The following KCTD14 variants were observed in gnomAD, a reference collection of about 807,000 sequenced individuals.
KCTD14 encodes BTB/POZ domain-containing protein KCTD14.
Under a neutral mutation model 5.9 loss-of-function variants are expected in KCTD14, and 7 were observed. That is an observed-to-expected ratio of 1.19 (90% CI 0.68 to 2.23). The LOEUF (loss-of-function observed/expected upper bound fraction) is 2.23. KCTD14 is among the 30% of genes most tolerant of loss of function. The pLI, the probability that KCTD14 is intolerant of heterozygous loss-of-function variation, is 0.00. For missense variants in KCTD14, 342 were observed against 332.2 expected, an observed-to-expected ratio of 1.03 and a Z score of -0.23; for synonymous variants, 140 against 133.1, an observed-to-expected ratio of 1.05 and a Z score of -0.36.
At chr11:78,041,886 A>G (rs959398751) in intron 1 of KCTD14, among the ~76,000 whole-genome samples, 1 of 152,190 alleles carries the variant, frequency 6.6e-6, no homozygotes, top group African/African-American at 2.4e-5. Flanking sequence ...ACTGGGTTCC[A>G]CGGTTCTCTT....
At chr11:78,031,578 GGGTTTCACCATGTTGGCCA>G (rs1452194952) in intron 2 of KCTD14, among the ~76,000 whole-genome samples, 3 of 151,690 alleles carry the variant, frequency 2.0e-5, no homozygotes, top group Non-Finnish European at 2.9e-5. Context: ...AGTAGAGATG[GGGTTTCACCATGTTGGCCA>G]GGTTGGTCTC....
chr11:78,017,422 AT>A, intron 1 of KCTD14, 152 bp from the exon 2 acceptor site: 2 of 984,442 alleles, frequency 2.0e-6, no homozygotes, highest in Non-Finnish European at 2.8e-6. Context: ...AGAGGGTTAT[AT>A]TTATGCTGTG....
At chr11:78,041,899 GTGACCCAC>G (rs1221143092) in intron 1 of KCTD14, among the ~76,000 whole-genome samples, 1 of 152,148 alleles carries the variant, frequency 6.6e-6, no homozygotes, top group Non-Finnish European at 1.5e-5. Flanking sequence ...GTTCTCTTCC[GTGACCCAC>G]GGCTTCTACT....
At chr11:78,032,468 C>G (rs954191997) in intron 2 of KCTD14, among the ~76,000 whole-genome samples, 15 of 152,190 alleles carry the variant, frequency 9.9e-5, no homozygotes, top group Non-Finnish European at 1.9e-4. Context: ...ATCTTCACAA[C>G]AACCCTATAA....
chr11:78,042,756 C>T (rs906911524), intron 1 of KCTD14, among the ~76,000 whole-genome samples: 1 of 152,160 alleles, frequency 6.6e-6, no homozygotes, highest in African/African-American at 2.4e-5. Context: ...AAAGTTCTCT[C>T]TCCTGCAGAG....
chr11:78,038,536 TG>T, intron 2 of KCTD14: 1 of 1,095,484 alleles, frequency 9.1e-7, no homozygotes. Context: ...GCACCCCATC[TG>T]GCTCCCCGCT....
chr11:78,017,409 T>C, intron 1 of KCTD14, 139 bp from the exon 2 acceptor site: 1 of 1,115,884 alleles, frequency 9.0e-7, no homozygotes, highest in Non-Finnish European at 1.2e-6. Flanking sequence ...CCCATCTTAC[T>C]AAAGAGGGTT....
Position 78,016,690 on chromosome 11 carries a change from T to G in KCTD14, c.671A>C (p.Gln224Pro), listed in dbSNP as rs779444111. 1.2e-6 allele frequency: 2 copies of G among 1,614,202 alleles called. No homozygotes were observed. Among genetic ancestry groups the G allele is most frequent in the Non-Finnish European group, 1.7e-6 (2 of 1,180,000 alleles). ...MHCLEMDIKA[Q>P]GYKVFSKFYL... ...GAACTTGGAGAATACCTTGTACCCC[T>G]GGGCCTTAATGTCCATCTCCAGGCA... The change falls in exon 2 of 2, where the codon CAG (glutamine) becomes CCG (proline). Residue 224 changes from glutamine to proline, a missense_variant. Gln to Pro is a moderately conservative substitution (Grantham distance 76). Coordinates refer to ENST00000353172, the MANE Select transcript of KCTD14 (RefSeq NM_023930.4).
At chr11:78,031,046 GTT>G (rs11342063) in intron 2 of KCTD14, among the ~76,000 whole-genome samples, 13,416 of 131,158 alleles carry the variant, frequency 0.1, 846 homozygotes, top group African/African-American at 0.24. Flanking sequence ...GCAAGTAATG[GTT>G]TTTTTTTTTT....
chr11:78,027,559 C>T (rs1387967839), upstream of KCTD14, among the ~76,000 whole-genome samples: 2 of 152,094 alleles, frequency 1.3e-5, no homozygotes, highest in South Asian at 2.1e-4. Context: ...GACGGGGTTT[C>T]ACCATGTTGG....
intron 2 of KCTD14, among the ~76,000 whole-genome samples, chr11:78,038,033 A>T (rs565718170): frequency 6.7e-6 from 1 of 148,624 alleles, no homozygotes; most frequent in East Asian, 2.0e-4. Context: ...CTCTTGCCCC[A>T]GGCTTCCCCA....
rs1565307943 is a variant in KCTD14 at position 78,016,983 on chromosome 11, T to TG, written c.377dup (p.Gln127ThrfsTer5). ...GAGACACCTGCTCACCAAAGATCTG[T>TG]GGCATGTCCTCCAGCAGCTTGACCA... On this transcript the variant is annotated frameshift_variant, in exon 2 of 2. Transcript: ENST00000353172. LOFTEE classifies it low-confidence loss of function (END_TRUNC). The TG allele has an allele frequency of 6.2e-7, 1 of 1,614,184 alleles. No homozygotes were observed. The highest frequency in any genetic ancestry group is 8.5e-7 in the Non-Finnish European group (1 of 1,180,026).
At position 78,016,169 on chromosome 11, in the gene KCTD14, T is replaced by A. The variant is rs1202417204; in HGVS notation, c.*424A>T. On this transcript the variant is annotated 3_prime_UTR_variant, in exon 2 of 2. Transcript: ENST00000353172. The stretch of plus-strand genomic sequence containing the variant: ...CAAAGGGGATCAGGAAAGCACCTAC[T>A]ACATGAAGGCACATGCCAGGGACAG... 4.9e-6 allele frequency: 1 copy of A among 203,468 alleles called. No homozygotes were observed. The highest frequency in any genetic ancestry group is 1.3e-4 in the East Asian group (1 of 7,984). The allele number at this position is 203,468 out of a possible 1,614,324, so 12.6% of individuals were successfully genotyped here. A position where few individuals can be genotyped will look rare whatever the true frequency, so the allele number is the denominator to read the frequency against.
chr11:78,042,881 G>C (rs1031134387), intron 1 of KCTD14, among the ~76,000 whole-genome samples: 2 of 152,214 alleles, frequency 1.3e-5, no homozygotes, highest in East Asian at 3.8e-4. Context: ...GGTCAGACCC[G>C]GTGTGCCATT....
intron 2 of KCTD14, among the ~76,000 whole-genome samples, chr11:78,032,779 A>T (rs1857663923): frequency 7.0e-6 from 1 of 143,872 alleles, no homozygotes; most frequent in Non-Finnish European, 1.5e-5. Context: ...AAGATGGCTT[A>T]ATGCAGCCTC....
chr11:78,038,387 A>G lies in KCTD14; in HGVS notation c.-1+277T>C, dbSNP rs555287394. ...TGATGGCCTCTGGCCTGCAGGGCCAATTTTCTGGTGCCCAGGACCACGTGC... is the reference window on the plus strand; with the variant it reads ...TGATGGCCTCTGGCCTGCAGGGCCAGTTTTCTGGTGCCCAGGACCACGTGC... On this transcript the variant is annotated intron_variant, in intron 2 of 2. Coordinates refer to the KCTD14 transcript ENST00000533144. 4.6e-5 allele frequency among the ~76,000 whole-genome samples: 7 copies of G among 152,258 alleles called. No individual in the cohort carries two copies. In the South Asian group the frequency reaches 1.5e-3, roughly 32 times the overall value.
At chr11:78,020,797 C>T (rs1857285488) in intron 1 of KCTD14, among the ~76,000 whole-genome samples, 2 of 152,198 alleles carry the variant, frequency 1.3e-5, no homozygotes. Context: ...GTAAGGGTGC[C>T]TCACCGCCAT....
At chr11:78,041,526 C>T (rs906593610) in intron 1 of KCTD14, among the ~76,000 whole-genome samples, 2 of 152,158 alleles carry the variant, frequency 1.3e-5, no homozygotes, top group African/African-American at 2.4e-5. Context: ...GAGAGCACAG[C>T]GGGAGGGACG....
At chr11:78,036,833 T>C (rs1857815660) in intron 2 of KCTD14, among the ~76,000 whole-genome samples, 1 of 152,266 alleles carries the variant, frequency 6.6e-6, no homozygotes, top group South Asian at 2.1e-4. Context: ...TGAGCACATG[T>C]GGCTGCTACA....
Sources: allele counts gnomAD v4.1 joint callset (sites outside exome capture counted in the v4.1 genomes callset), GRCh38; gene constraint gnomAD v4.1.1; transcripts MANE v1.5; gene names NCBI Gene and HGNC (gene_info 2026-07-23, HGNC 2026-07-21).